The following CRYL1 variants were observed in gnomAD, a reference collection of about 807,000 sequenced individuals.
The protein encoded by CRYL1 is lambda-crystallin homolog.
CRYL1 carries 29 observed loss-of-function variants against 36.6 expected under a neutral mutation model. That is an observed-to-expected ratio of 0.79 (90% CI 0.59 to 1.08). CRYL1 has a LOEUF of 1.08. Among genes scored for constraint, CRYL1 ranks in the 50% least tolerant of loss-of-function variants. CRYL1 has a pLI of 0.00. For missense variants in CRYL1, 411 were observed against 407.9 expected, an observed-to-expected ratio of 1.01 and a Z score of -0.06; for synonymous variants, 152 against 151.5, an observed-to-expected ratio of 1.00 and a Z score of -0.02.
chr13:20,431,688 C>A lies in CRYL1; in HGVS notation c.633+414G>T. The stretch of plus-strand genomic sequence containing the variant: ...TCACTTCTTCCTCAAGCTCTTGAAA[C>A]AATTAGGTTCCTTCAGGAGACAGAA... On this transcript the variant is annotated intron_variant, in intron 5 of 7. Transcript: ENST00000298248. 13 of 1,114,150 alleles carry A rather than the reference C, an allele frequency of 1.2e-5. No homozygotes were observed. In the South Asian group the frequency reaches 1.9e-4, roughly 16 times the overall value. 69.0% of individuals were successfully genotyped at this position (1,114,150 alleles called of 1,614,324 possible).
intron 2 of CRYL1, among the ~76,000 whole-genome samples, chr13:20,493,827 C>T (rs963357748): frequency 6.6e-6 from 1 of 152,134 alleles, no homozygotes; most frequent in African/African-American, 2.4e-5. Context: ...ACACAGCCAC[C>T]CTATAACTGC....
At chr13:20,439,351 A>G (rs1411946463) in intron 4 of CRYL1, among the ~76,000 whole-genome samples, 1 of 152,090 alleles carries the variant, frequency 6.6e-6, no homozygotes, top group Non-Finnish European at 1.5e-5. Context: ...GGAATTTTGG[A>G]TAAAATTCTT....
At chr13:20,523,079 G>A (rs1354652516) in intron 1 of CRYL1, among the ~76,000 whole-genome samples, 1 of 151,912 alleles carries the variant, frequency 6.6e-6, no homozygotes, top group Non-Finnish European at 1.5e-5. Flanking sequence ...ACCACGCCCG[G>A]CTAATTTTTG....
At chr13:20,407,311 G>A (rs983105482) in intron 6 of CRYL1, among the ~76,000 whole-genome samples, 10 of 151,874 alleles carry the variant, frequency 6.6e-5, no homozygotes, top group African/African-American at 2.4e-4. Flanking sequence ...GCCTCCGGGT[G>A]CTCCAAGGGC....
rs1417278300 is a variant in CRYL1 at position 20,435,565 on chromosome 13, G to A, written c.439-3269C>T. On this transcript the variant is annotated intron_variant, in intron 4 of 7. Coordinates refer to ENST00000298248, the MANE Select transcript of CRYL1 (RefSeq NM_015974.3). This position sits in a 1 kb window ranked among gnomAD's most constrained non-coding sequence, Gnocchi z 4.0. ...GGTGCCCCTTGAATTTACCACAGTA[G>A]AGGGGAGGAGAGGAGGCGAGACAGG... is the stretch of plus-strand genomic sequence containing the variant. Among the ~76,000 whole-genome samples, 3 of 152,232 alleles carry A rather than the reference G, an allele frequency of 2.0e-5. No individual in the cohort carries two copies. The highest frequency in any genetic ancestry group is 4.1e-4 in the South Asian group (2 of 4,828).
In CRYL1 at chr13:20,415,801, T is replaced by A. The variant is rs1422068458; in HGVS notation, c.634-2414A>T. 6.6e-6 allele frequency among the ~76,000 whole-genome samples: 1 copy of A among 152,232 alleles called. No individual in the cohort carries two copies. ...TGTTCACATTCCTCAGCTGCAGCGT[T>A]TGCTGCTGGCCCATTTCTAATCTTC... On this transcript the variant is annotated intron_variant, in intron 5 of 7. Transcript: ENST00000298248. The surrounding 1 kb of genome is among the most constrained non-coding windows in gnomAD (Gnocchi z 4.1).
intron 4 of CRYL1, chr13:20,433,892 C>T (rs140732705): frequency 9.5e-4 from 147 of 154,546 alleles, no homozygotes; most frequent in African/African-American, 3.5e-3. Flanking sequence ...GATGGTGACC[C>T]CCAGTCTGCC....
At chr13:20,509,713 A>G (rs919170396) in intron 2 of CRYL1, among the ~76,000 whole-genome samples, 9 of 152,234 alleles carry the variant, frequency 5.9e-5, no homozygotes, top group Non-Finnish European at 8.8e-5. Context: ...GGATCACCTG[A>G]GGTCAGGAGT....
At chr13:20,517,073 T>C (rs1214090249) in intron 1 of CRYL1, among the ~76,000 whole-genome samples, 1 of 151,998 alleles carries the variant, frequency 6.6e-6, no homozygotes, top group Non-Finnish European at 1.5e-5. Flanking sequence ...AGCAAGACCC[T>C]GTATAAAAAA....
chr13:20,508,349 T>C (rs776726388), intron 2 of CRYL1, among the ~76,000 whole-genome samples: 41 of 152,210 alleles, frequency 2.7e-4, no homozygotes, highest in Non-Finnish European at 5.9e-4. Context: ...CTATGCTCTT[T>C]AATACACAAA....
chr13:20,458,809 C>T (rs2032740120), intron 3 of CRYL1, among the ~76,000 whole-genome samples: 1 of 152,202 alleles, frequency 6.6e-6, no homozygotes, highest in African/African-American at 2.4e-5. Context: ...AAGCAGTCAG[C>T]TACATCCATC....
chr13:20,444,235 C>A lies in CRYL1; in HGVS notation c.277-4481G>T, dbSNP rs1029240514. ...GCAACTAACTGCACTATGCTCTAAC[C>A]AGGAGCTTGTTTTTTCCTTAAAAAT... On this transcript the variant is annotated intron_variant, in intron 3 of 7. Coordinates refer to ENST00000298248, the MANE Select transcript of CRYL1 (RefSeq NM_015974.3). 9.9e-5 allele frequency among the ~76,000 whole-genome samples: 15 copies of A among 152,138 alleles called. 1 individual carries two copies. Among genetic ancestry groups the A allele is most frequent in the Admixed American group, 9.8e-4 (15 of 15,280 alleles).
intron 3 of CRYL1, among the ~76,000 whole-genome samples, chr13:20,454,425 T>G (rs896466535): frequency 7.9e-5 from 12 of 151,258 alleles, no homozygotes; most frequent in African/African-American, 2.9e-4. Context: ...GTTTGTTTTT[T>G]TTTTTTTTTG....
intron 5 of CRYL1, among the ~76,000 whole-genome samples, chr13:20,423,948 T>G (rs1446026221): frequency 6.6e-6 from 1 of 151,968 alleles, no homozygotes; most frequent in South Asian, 2.1e-4. Flanking sequence ...TTTCTGTATT[T>G]TTAATAGAGA....
At chr13:20,459,052 G>A (rs530582540) in intron 3 of CRYL1, among the ~76,000 whole-genome samples, 13 of 152,068 alleles carry the variant, frequency 8.5e-5, no homozygotes, top group East Asian at 7.7e-4. Flanking sequence ...TGGCTAACAC[G>A]GTGAAACCCC....
chr13:20,468,184 G>A (rs1379511387), intron 3 of CRYL1, among the ~76,000 whole-genome samples: 1 of 152,180 alleles, frequency 6.6e-6, no homozygotes, highest in African/African-American at 2.4e-5. Flanking sequence ...GGGTCTTTCT[G>A]TAATTAAACA....
chr13:20,413,188 A>G (rs2031567813), intron 6 of CRYL1, 94 bp downstream of exon 6: 2 of 775,442 alleles, frequency 2.6e-6, no homozygotes, highest in East Asian at 5.1e-5. Flanking sequence ...TACTGTCTCT[A>G]TTCAGTTGTA....
chr13:20,512,476 T>C lies in CRYL1; in HGVS notation c.116A>G (p.Gln39Arg). The C allele has an allele frequency of 6.2e-7, 1 of 1,614,120 alleles. No individual in the cohort carries two copies. Among genetic ancestry groups the C allele is most frequent in the Non-Finnish European group, 8.5e-7 (1 of 1,179,956 alleles). Reference sequence around the variant, plus strand: ...TTCCAGGGCGTTCCTTATCTGCTGTTGCTCAATGTCATAGAGTTTCACCTG... The same window carrying C: ...TTCCAGGGCGTTCCTTATCTGCTGTCGCTCAATGTCATAGAGTTTCACCTG... ...GFQVKLYDIE[Q>R]QQIRNALENI... is the part of the protein sequence containing the mutation. Residue 39 changes from glutamine to arginine, a missense_variant, in exon 2 of 8, where the codon CAA becomes CGA. Physicochemically the swap from Gln to Arg is conservative, Grantham distance 43. Coordinates refer to ENST00000298248, the MANE Select transcript of CRYL1 (RefSeq NM_015974.3).
chr13:20,471,355 G>A (rs1212897769), intron 3 of CRYL1, among the ~76,000 whole-genome samples: 1 of 152,080 alleles, frequency 6.6e-6, no homozygotes, highest in Non-Finnish European at 1.5e-5. Context: ...GGTGGATCAC[G>A]AGGTCAGGAG....
Sources: allele counts gnomAD v4.1 joint callset (sites outside exome capture counted in the v4.1 genomes callset), GRCh38; gene constraint gnomAD v4.1.1; non-coding constraint Gnocchi (gnomAD v3.1); transcripts MANE v1.5; gene names NCBI Gene and HGNC (gene_info 2026-07-23, HGNC 2026-07-21).